The following WDPCP variants were observed in gnomAD, a reference collection of about 807,000 sequenced individuals.
The protein encoded by WDPCP is WD repeat-containing and planar cell polarity effector protein fritz homolog.
In WDPCP, 71 loss-of-function variants were observed where a neutral mutation model predicts 93.1. The observed-to-expected ratio is 0.76, with a 90% confidence interval of 0.63 to 0.93. WDPCP has a LOEUF of 0.93. Ranked by LOEUF, WDPCP falls within the 40% of genes least tolerant of loss-of-function variation. The probability of loss-of-function intolerance (pLI) is 0.00; values close to 1 mark genes in which losing one functional copy is unlikely to be tolerated. For synonymous variants in WDPCP, 315 were observed against 315.0 expected (o/e 1.00, Z 0.00); for missense variants, 844 against 887.4 (o/e 0.95, Z 0.62).
chr2:63,499,831 G>C (rs1701435000), intron 1 of WDPCP, among the ~76,000 whole-genome samples: 1 of 152,166 alleles, frequency 6.6e-6, no homozygotes, highest in South Asian at 2.1e-4. Flanking sequence ...ATCATCATGT[G>C]CCCAGTAAAT....
chr2:63,424,366 C>T (rs1344973346), intron 9 of WDPCP, among the ~76,000 whole-genome samples: 1 of 152,078 alleles, frequency 6.6e-6, no homozygotes, highest in Non-Finnish European at 1.5e-5. Context: ...CCCAACTGAC[C>T]ACTGAGCCAG....
At chr2:63,314,643 T>C (rs1188880088) in intron 12 of WDPCP, among the ~76,000 whole-genome samples, 1 of 152,120 alleles carries the variant, frequency 6.6e-6, no homozygotes, top group Non-Finnish European at 1.5e-5. Context: ...GCTAGTTCAT[T>C]TTTCTCTGCC....
chr2:63,389,915 A>G (rs1693077491), intron 10 of WDPCP, among the ~76,000 whole-genome samples: 3 of 152,272 alleles, frequency 2.0e-5, no homozygotes, highest in Non-Finnish European at 1.5e-5. Flanking sequence ...AGAGACCTAC[A>G]AAGAGACTTA....
intron 14 of WDPCP, among the ~76,000 whole-genome samples, chr2:63,188,561 T>C (rs934375403): frequency 2.0e-5 from 3 of 151,990 alleles, no homozygotes; most frequent in Admixed American, 1.3e-4. Flanking sequence ...CTTGAACTCC[T>C]GAGCTCAAGC....
intron 10 of WDPCP, among the ~76,000 whole-genome samples, chr2:63,382,768 T>G (rs1692416781): frequency 6.6e-6 from 1 of 152,130 alleles, no homozygotes; most frequent in African/African-American, 2.4e-5. Flanking sequence ...TCAAATCACA[T>G]CAAAATGAAA....
At chr2:63,157,618 T>C (rs1249776469) in intron 15 of WDPCP, among the ~76,000 whole-genome samples, 2 of 152,184 alleles carry the variant, frequency 1.3e-5, no homozygotes, top group East Asian at 3.8e-4. Context: ...GTTTGGTAGT[T>C]TGTGGCTTTC....
chr2:63,342,902 T>C (rs1688945107), intron 12 of WDPCP, among the ~76,000 whole-genome samples: 1 of 152,212 alleles, frequency 6.6e-6, no homozygotes, highest in Non-Finnish European at 1.5e-5. Flanking sequence ...TAGCATTTCT[T>C]ATAAGACACG....
chr2:63,259,014 A>G lies in WDPCP; in HGVS notation c.1915+293T>C, dbSNP rs184262636. Among the ~76,000 whole-genome samples, 1,214 of 152,328 alleles carry G rather than the reference A, an allele frequency of 8.0e-3. 6 individuals are homozygous for G. The highest frequency in any genetic ancestry group is 0.013 in the Non-Finnish European group (905 of 68,016). The stretch of plus-strand genomic sequence containing the variant: ...TGTGTTGGTTAATTTTAGTAACAGC[A>G]CTATGATAATACTAAGCTCTTTCTC... On this transcript the variant is annotated intron_variant, in intron 14 of 17. Coordinates refer to ENST00000272321, the MANE Select transcript of WDPCP (RefSeq NM_015910.7).
chr2:63,746,601 G>A (rs983460284), intron 2 of WDPCP, among the ~76,000 whole-genome samples: 3 of 152,038 alleles, frequency 2.0e-5, no homozygotes, highest in Admixed American at 6.6e-5. Context: ...TTCCCAGGGG[G>A]GGCCTCTAAA....
intron 13 of WDPCP, among the ~76,000 whole-genome samples, chr2:63,260,697 G>A (rs1319909386): frequency 3.9e-5 from 6 of 152,200 alleles, no homozygotes; most frequent in South Asian, 4.1e-4. Context: ...TTACAGGCAC[G>A]CACCACCACG....
intron 13 of WDPCP, among the ~76,000 whole-genome samples, chr2:63,279,099 T>C (rs1683311799): frequency 6.6e-6 from 1 of 152,168 alleles, no homozygotes; most frequent in Non-Finnish European, 1.5e-5. Flanking sequence ...TTGCAGAGGA[T>C]AGGGAAAGAG....
intron 3 of WDPCP, among the ~76,000 whole-genome samples, chr2:63,618,144 C>A (rs1245090386): frequency 6.6e-6 from 1 of 152,118 alleles, no homozygotes; most frequent in Non-Finnish European, 1.5e-5. Context: ...ACCTTTGAGT[C>A]AGAAATAAGA....
chr2:63,250,557 G>A (rs1680630384), intron 14 of WDPCP, among the ~76,000 whole-genome samples: 1 of 152,094 alleles, frequency 6.6e-6, no homozygotes, highest in Non-Finnish European at 1.5e-5. Context: ...TATTAGTAAG[G>A]ATAAAGATTT....
chr2:63,155,510 T>C (rs1357118148), intron 15 of WDPCP, among the ~76,000 whole-genome samples: 1 of 152,202 alleles, frequency 6.6e-6, no homozygotes, highest in Non-Finnish European at 1.5e-5. Context: ...CTTTTACTAA[T>C]ACTGTAATTT....
chr2:63,218,770 A>C (rs913920019), intron 14 of WDPCP, among the ~76,000 whole-genome samples: 1 of 152,034 alleles, frequency 6.6e-6, no homozygotes, highest in African/African-American at 2.4e-5. Context: ...TCTTGACCTC[A>C]TGATCTGCCC....
At chr2:63,256,964 CAT>C (rs937705451) in intron 14 of WDPCP, among the ~76,000 whole-genome samples, 1 of 152,080 alleles carries the variant, frequency 6.6e-6, no homozygotes, top group African/African-American at 2.4e-5. Flanking sequence ...GTCCTGGTAA[CAT>C]ATGTTACTTG....
chr2:63,358,789 G>C (rs1390593376), intron 12 of WDPCP, among the ~76,000 whole-genome samples: 1 of 152,092 alleles, frequency 6.6e-6, no homozygotes, highest in African/African-American at 2.4e-5. Flanking sequence ...CTAACGGTCA[G>C]CATAGATGCA....
chr2:63,704,548 G>A (rs960444980), intron 2 of WDPCP, among the ~76,000 whole-genome samples: 1 of 152,158 alleles, frequency 6.6e-6, no homozygotes, highest in Non-Finnish European at 1.5e-5. Context: ...TGCATCTATT[G>A]AGATAATCAT....
chr2:63,191,721 T>A (rs1292020346), intron 14 of WDPCP, among the ~76,000 whole-genome samples: 24 of 152,190 alleles, frequency 1.6e-4, no homozygotes. Flanking sequence ...AAACTATAGA[T>A]CACATGGGCC....
Sources: gnomAD v4.1 joint callset for allele counts (sites outside exome capture counted in the v4.1 genomes callset) on GRCh38, gnomAD v4.1.1 for gene constraint, MANE v1.5 for transcripts, NCBI Gene and HGNC (gene_info 2026-07-23, HGNC 2026-07-21) for gene names.